ARAP3: variants seen among roughly 807,000 people sequenced by gnomAD.
ARAP3 encodes the protein arf-GAP with Rho-GAP domain, ANK repeat and PH domain-containing protein 3.
In ARAP3, 82 loss-of-function variants were observed where a neutral mutation model predicts 169.2. The ratio of observed to expected loss-of-function variants is 0.48; its 90% confidence interval spans 0.41 to 0.58. The LOEUF (loss-of-function observed/expected upper bound fraction) is 0.58. Ranked by LOEUF, ARAP3 falls within the 20% of genes least tolerant of loss-of-function variation. The pLI is 0.00. For synonymous variants in ARAP3, 791 were observed against 800.3 expected (o/e 0.99, Z 0.20); for missense variants, 1,764 against 2,018.0 (o/e 0.87, Z 2.41).
In ARAP3 at chr5:141,671,208, C is replaced by A; in HGVS notation, c.1990+57G>T. The A allele has an allele frequency of 6.5e-7, 1 of 1,538,676 alleles. No homozygotes were observed. Among genetic ancestry groups the A allele is most frequent in the Non-Finnish European group, 8.8e-7 (1 of 1,142,140 alleles). On this transcript the variant is annotated intron_variant, in intron 13 of 32. Transcript: ENST00000239440. This position sits in a 1 kb window ranked among gnomAD's most constrained non-coding sequence, Gnocchi z 4.9. ...TTGGGGCCCCTTGGAAGAACTGAAT[C>A]ATAGGTTGGGTCTGAGAATTCCTGT...
intron 21 of ARAP3, 124 bp from the exon 22 acceptor site, chr5:141,660,050 G>C: frequency 1.5e-6 from 2 of 1,294,426 alleles, no homozygotes; most frequent in Non-Finnish European, 2.1e-6. Context: ...TGGCCTCAAG[G>C]AGCTCCCAGT....
intron 1 of ARAP3, 38 bp from the exon 2 acceptor site, chr5:141,680,541 G>T: frequency 1.3e-6 from 2 of 1,528,758 alleles, no homozygotes; most frequent in South Asian, 1.2e-5. Context: ...GGCTCAGGCT[G>T]AGAATCCCCC....
chr5:141,679,737 C>T (rs1221751055), intron 3 of ARAP3, 24 bp downstream of exon 3: 13 of 1,614,128 alleles, frequency 8.1e-6, no homozygotes, highest in Non-Finnish European at 1.1e-5. Context: ...ATCCCTCTCC[C>T]CCAACCCGTG....
chr5:141,659,584 A>C, intron 22 of ARAP3, 108 bp from the exon 23 acceptor site: 1 of 1,386,834 alleles, frequency 7.2e-7, no homozygotes, highest in Non-Finnish European at 1.0e-6. Context: ...AGAAGAGCTA[A>C]GAACCAAGGG....
chr5:141,677,576 C>T (rs1039432605), intron 4 of ARAP3, among the ~76,000 whole-genome samples: 1 of 152,136 alleles, frequency 6.6e-6, no homozygotes, highest in African/African-American at 2.4e-5. Context: ...CTCTCACCTA[C>T]ATTACTACAA....
intron 6 of ARAP3, 98 bp downstream of exon 6, chr5:141,673,301 CCG>C (rs1170779995): frequency 1.3e-6 from 2 of 1,558,848 alleles, no homozygotes; most frequent in Non-Finnish European, 1.8e-6. Flanking sequence ...AGTCACTGCC[CCG>C]CCCACACACA....
intron 25 of ARAP3, 44 bp downstream of exon 25, chr5:141,658,321 A>T: frequency 6.3e-7 from 1 of 1,591,192 alleles, no homozygotes; most frequent in South Asian, 1.1e-5. Flanking sequence ...AACCACACAC[A>T]CGCATATACA....
In ARAP3 at chr5:141,672,737, T is replaced by G. The variant is rs772355829; in HGVS notation, c.1278+4A>C. 1 of 1,613,780 alleles carries G rather than the reference T, an allele frequency of 6.2e-7. No homozygotes were observed. The highest frequency in any genetic ancestry group is 1.1e-5 in the South Asian group (1 of 91,074). The stretch of plus-strand genomic sequence containing the variant: ...CCCCTCAGCCCTGGCCCGGCTCTCC[T>G]CACCTGCTCACTCTTGTACAGTGCC... On this transcript the variant is annotated splice_donor_region_variant and intron_variant, in intron 8 of 32. Coordinates refer to ENST00000239440, the MANE Select transcript of ARAP3 (RefSeq NM_022481.6). This position sits in a 1 kb window ranked among gnomAD's most constrained non-coding sequence, Gnocchi z 4.9.
At position 141,661,771 on chromosome 5, in the gene ARAP3, T is replaced by C; in HGVS notation, c.3032A>G (p.Gln1011Arg). 1 of 1,614,192 alleles carries C rather than the reference T, an allele frequency of 6.2e-7. No individual in the cohort carries two copies. Among genetic ancestry groups the C allele is most frequent in the Non-Finnish European group, 8.5e-7 (1 of 1,180,042 alleles). Residue 1011 changes from glutamine (Q) to arginine (R), a missense_variant, in exon 21 of 33, where the codon CAG becomes CGG. Gln to Arg is a conservative substitution (Grantham distance 43, BLOSUM62 1). Coordinates refer to ENST00000239440, the MANE Select transcript of ARAP3 (RefSeq NM_022481.6). The part of the protein sequence containing the change: ...REAAELPQKN[Q>R]RLEKYKDVIG... ...CACATCTTTATATTTCTCCAGGCGC[T>C]GATTCTTCTGGGGCAGCTCTGGGGA...
Position 141,654,294 on chromosome 5 carries a change from A to C in ARAP3, c.4291T>G (p.Trp1431Gly). 1 of 1,613,830 alleles carries C rather than the reference A, an allele frequency of 6.2e-7. No individual in the cohort carries two copies. The highest frequency in any genetic ancestry group is 1.1e-5 in the South Asian group (1 of 91,060). ...TSTSFSTTRE[W>G]TVKPENPLTS... ...AGGGGGTTCTCTGGCTTCACTGTCC[A>C]CTCCCGTGTGGTGGAGAAGGAGGTA... Residue 1431 changes from tryptophan to glycine, a missense_variant, in exon 33 of 33, where the codon TGG becomes GGG. By Grantham distance (184) the Trp-to-Gly change is radical. Transcript: ENST00000239440.
intron 25 of ARAP3, among the ~76,000 whole-genome samples, chr5:141,657,452 A>G (rs1178308519): frequency 6.6e-6 from 1 of 152,268 alleles, no homozygotes; most frequent in Non-Finnish European, 1.5e-5. Flanking sequence ...ATGGGAAGCC[A>G]CTGAAGGGTT....
At chr5:141,681,359 C>G (rs2099912946) in intron 1 of ARAP3, among the ~76,000 whole-genome samples, 1 of 152,178 alleles carries the variant, frequency 6.6e-6, no homozygotes, top group African/African-American at 2.4e-5. Flanking sequence ...TGTGAAATGC[C>G]ATCCCCCCAC....
At chr5:141,661,844 TG>T (rs755803409) in intron 20 of ARAP3, 55 bp from the exon 21 acceptor site, 139 of 1,586,064 alleles carry the variant, frequency 8.8e-5, no homozygotes, top group Non-Finnish European at 1.1e-4. Flanking sequence ...GAGTGGCAGC[TG>T]GTACAGAGGG....
At position 141,665,376 on chromosome 5, in the gene ARAP3, T is replaced by C. The variant is rs200402197; in HGVS notation, c.2573-2A>G. The C allele has an allele frequency of 1.4e-5, 23 of 1,614,000 alleles. No homozygotes were observed. The highest frequency in any genetic ancestry group is 3.4e-6 in the Non-Finnish European group (4 of 1,179,988). ...GGGTGTCAGCTGCAGAAACCACACC[T>C]GGGAGGAGAATCAGTGGACATTTTC... is the stretch of plus-strand genomic sequence containing the variant. On this transcript the variant is annotated splice_acceptor_variant, in intron 17 of 32. Transcript: ENST00000239440. LOFTEE classifies it high-confidence loss of function.
At chr5:141,661,546 G>A in intron 21 of ARAP3, 138 bp downstream of exon 21, 7 of 883,984 alleles carry the variant, frequency 7.9e-6, no homozygotes, top group Non-Finnish European at 1.2e-5. Flanking sequence ...TCCATTCTCT[G>A]AACCTTAGTG....
chr5:141,668,511 T>C (rs1158662417), intron 16 of ARAP3, among the ~76,000 whole-genome samples: 2 of 152,240 alleles, frequency 1.3e-5, no homozygotes, highest in African/African-American at 4.8e-5. Context: ...CCATAACACA[T>C]AGTCCAGGGG....
At chr5:141,678,641 C>T (rs1459998961) in intron 4 of ARAP3, among the ~76,000 whole-genome samples, 2 of 151,884 alleles carry the variant, frequency 1.3e-5, no homozygotes, top group Admixed American at 6.6e-5. Context: ...GCGTCCACCA[C>T]CGCACCTGGC....
rs1426174324 is a variant in ARAP3 at position 141,655,887 on chromosome 5, G to A, written c.3954C>T (p.Thr1318=). The change falls in exon 30 of 33, where the codon ACC becomes ACT. Residue 1318 remains threonine (T), a synonymous_variant. Transcript: ENST00000239440. ...TDEDEMWDWT[T]SILKAQHDDQ... ...CCCTCACCTGGGCTTTAAGGATGCT[G>A]GTGGTCCAATCCCACATTTCATCCT... 6.2e-7 allele frequency: 1 copy of A among 1,613,880 alleles called. No homozygotes were observed. The highest frequency in any genetic ancestry group is 1.3e-5 in the African/African-American group (1 of 74,908).
At position 141,665,100 on chromosome 5, in the gene ARAP3, G is replaced by T; in HGVS notation, c.2637-15C>A. On this transcript the variant is annotated splice_polypyrimidine_tract_variant and intron_variant, in intron 18 of 32. Transcript: ENST00000239440. ...GATACAGGGTCCTGAGACCCCAGAG[G>T]CCTGAATCAGAGCCAGCTCCGACAG... The T allele has an allele frequency of 6.2e-7, 1 of 1,602,508 alleles. No homozygotes were observed.
Sources: gnomAD v4.1 joint callset for allele counts (sites outside exome capture counted in the v4.1 genomes callset) on GRCh38, gnomAD v4.1.1 for gene constraint, Gnocchi (gnomAD v3.1) non-coding constraint, MANE v1.5 for transcripts, NCBI Gene and HGNC (gene_info 2026-07-23, HGNC 2026-07-21) for gene names.